NRCAM: variants seen among roughly 807,000 people sequenced by gnomAD.
The protein encoded by NRCAM is neuronal cell adhesion molecule, also known as NgCAM-related cell adhesion molecule.
A neutral mutation model predicts 156.5 loss-of-function variants in NRCAM; 83 were observed. That is an observed-to-expected ratio of 0.53 (90% CI 0.44 to 0.64). The LOEUF (loss-of-function observed/expected upper bound fraction) is 0.64, where lower values mean the gene tolerates loss of function less well. Ranked by LOEUF, NRCAM falls within the 30% of genes least tolerant of loss-of-function variation. The pLI is 0.00. For missense variants in NRCAM, 1,417 were observed against 1,597.3 expected, an observed-to-expected ratio of 0.89 and a Z score of 1.92; for synonymous variants, 538 against 563.9, an observed-to-expected ratio of 0.95 and a Z score of 0.65.
At chr7:108,424,208 C>T (rs1230221995) in intron 1 of NRCAM, among the ~76,000 whole-genome samples, 3 of 152,200 alleles carry the variant, frequency 2.0e-5, no homozygotes, top group Admixed American at 1.3e-4. Context: ...TATCAGGTTT[C>T]CTACCAGGAG....
intron 11 of NRCAM, among the ~76,000 whole-genome samples, chr7:108,220,307 A>G (rs2153666954): frequency 6.6e-6 from 1 of 152,308 alleles, no homozygotes; most frequent in Non-Finnish European, 1.5e-5. Context: ...AATCCCCATC[A>G]AAATACCACC....
At chr7:108,391,632 T>G (rs1042452406) in intron 2 of NRCAM, among the ~76,000 whole-genome samples, 11 of 152,320 alleles carry the variant, frequency 7.2e-5, no homozygotes, top group Non-Finnish European at 1.2e-4. Context: ...GTTAGCTGGT[T>G]ATTTTGCTCA....
chr7:108,283,128 G>C (rs937417131), intron 3 of NRCAM, among the ~76,000 whole-genome samples: 2 of 152,198 alleles, frequency 1.3e-5, no homozygotes, highest in African/African-American at 4.8e-5. Flanking sequence ...TTGTGAGAAA[G>C]TCAGCTATAC....
intron 1 of NRCAM, among the ~76,000 whole-genome samples, chr7:108,403,146 T>C (rs1216985375): frequency 6.6e-6 from 1 of 152,232 alleles, no homozygotes; most frequent in African/African-American, 2.4e-5. Context: ...CTGCCATTCT[T>C]ACAGCTACAT....
chr7:108,332,971 T>C (rs2099142449), intron 2 of NRCAM, among the ~76,000 whole-genome samples: 1 of 152,196 alleles, frequency 6.6e-6, no homozygotes, highest in South Asian at 2.1e-4. Context: ...ATCAAATCTA[T>C]GCAATTGCTG....
At chr7:108,359,867 T>C (rs1472628943) in intron 2 of NRCAM, among the ~76,000 whole-genome samples, 1 of 152,112 alleles carries the variant, frequency 6.6e-6, no homozygotes, top group Admixed American at 6.6e-5. Context: ...TCAAATCTGC[T>C]CCCCTCCCAT....
intron 2 of NRCAM, among the ~76,000 whole-genome samples, chr7:108,321,703 C>A (rs1160448507): frequency 6.6e-6 from 1 of 152,186 alleles, no homozygotes; most frequent in African/African-American, 2.4e-5. Flanking sequence ...TCACAAAGAT[C>A]TTAAAGTTTA....
At chr7:108,320,255 C>T (rs533291575) in intron 2 of NRCAM, among the ~76,000 whole-genome samples, 2 of 152,002 alleles carry the variant, frequency 1.3e-5, no homozygotes, top group African/African-American at 4.8e-5. Flanking sequence ...AGTTCAAGAC[C>T]AGCCTGGGCA....
chr7:108,209,665 A>G, intron 11 of NRCAM, 60 bp from the exon 12 acceptor site: 5 of 1,243,224 alleles, frequency 4.0e-6, no homozygotes, highest in Non-Finnish European at 5.6e-6. Flanking sequence ...ACTACTTTTG[A>G]GGATGAATTT....
intron 2 of NRCAM, among the ~76,000 whole-genome samples, chr7:108,346,875 C>A (rs6956163): frequency 1.3e-5 from 2 of 148,502 alleles, no homozygotes; most frequent in Admixed American, 6.8e-5. Flanking sequence ...TATGAGCTAC[C>A]TCATTAATTG....
At chr7:108,197,643 T>C (rs1184963992) in intron 14 of NRCAM, among the ~76,000 whole-genome samples, 1 of 152,196 alleles carries the variant, frequency 6.6e-6, no homozygotes, top group Non-Finnish European at 1.5e-5. Context: ...AGAGCAATAA[T>C]ATTCAGTTGC....
chr7:108,291,002 A>T (rs2098271994), intron 3 of NRCAM, among the ~76,000 whole-genome samples: 1 of 152,182 alleles, frequency 6.6e-6, no homozygotes, highest in Non-Finnish European at 1.5e-5. Context: ...TTCAGAGAGA[A>T]ATCTTTCAGA....
chr7:108,227,275 T>C (rs1011794559), intron 8 of NRCAM, among the ~76,000 whole-genome samples: 1 of 152,190 alleles, frequency 6.6e-6, no homozygotes, highest in Non-Finnish European at 1.5e-5. Flanking sequence ...TACTTCCCCT[T>C]AGGTCCAGTT....
intron 3 of NRCAM, among the ~76,000 whole-genome samples, chr7:108,277,415 T>C (rs538704982): frequency 6.6e-6 from 1 of 152,296 alleles, no homozygotes; most frequent in East Asian, 1.9e-4. Context: ...CCCATATTTC[T>C]TGGAGGCTTT....
chr7:108,178,569 G>T (rs1166744274), intron 25 of NRCAM, among the ~76,000 whole-genome samples: 1 of 152,140 alleles, frequency 6.6e-6, no homozygotes, highest in African/African-American at 2.4e-5. Flanking sequence ...CTGGGCTTTG[G>T]GCCAGCATGC....
intron 1 of NRCAM, among the ~76,000 whole-genome samples, chr7:108,433,490 A>G (rs1165807492): frequency 6.6e-6 from 1 of 152,162 alleles, no homozygotes; most frequent in Non-Finnish European, 1.5e-5. Context: ...TTGATCCCCA[A>G]TATGGGGGAT....
intron 1 of NRCAM, among the ~76,000 whole-genome samples, chr7:108,430,679 TAC>T (rs904327473): frequency 2.0e-5 from 3 of 152,218 alleles, no homozygotes; most frequent in Non-Finnish European, 2.9e-5. Context: ...ATTAGCTATG[TAC>T]ACACACACAC....
intron 30 of NRCAM, among the ~76,000 whole-genome samples, chr7:108,162,755 C>T (rs562197961): frequency 5.3e-5 from 8 of 152,286 alleles, no homozygotes; most frequent in African/African-American, 1.9e-4. Flanking sequence ...TTAAAATAGG[C>T]AGACACAATA....
At chr7:108,173,733 T>G (rs1244111380) in intron 28 of NRCAM, among the ~76,000 whole-genome samples, 2 of 152,220 alleles carry the variant, frequency 1.3e-5, no homozygotes, top group African/African-American at 4.8e-5. Flanking sequence ...ACTGGGGGCT[T>G]AATGAACTTT....
Sources: allele counts gnomAD v4.1 joint callset (sites outside exome capture counted in the v4.1 genomes callset), GRCh38; gene constraint gnomAD v4.1.1; transcripts MANE v1.5; gene names NCBI Gene and HGNC (gene_info 2026-07-23, HGNC 2026-07-21).